The following RBM19 variants were observed in gnomAD, a reference collection of about 807,000 sequenced individuals.
RBM19 encodes the protein RNA binding motif protein 19.
Under a neutral mutation model 116.8 loss-of-function variants are expected in RBM19, and 94 were observed. The observed-to-expected ratio is 0.80, with a 90% CI of 0.68 to 0.95. The LOEUF (loss-of-function observed/expected upper bound fraction) is 0.95. Ranked by LOEUF, RBM19 falls within the 40% of genes least tolerant of loss-of-function variation. The pLI, the probability that RBM19 is intolerant of heterozygous loss-of-function variation, is 0.00. For synonymous variants in RBM19, 475 were observed against 494.1 expected, an observed-to-expected ratio of 0.96 and a Z score of 0.51; for missense variants, 1,161 against 1,220.7, an observed-to-expected ratio of 0.95 and a Z score of 0.73.
chr12:113,940,222 C>T, intron 14 of RBM19, 62 bp from the exon 15 acceptor site: 1 of 1,523,036 alleles, frequency 6.6e-7, no homozygotes, highest in Non-Finnish European at 9.0e-7. Context: ...CAGCTGACAC[C>T]AGCAGGGATC....
chr12:113,934,541 C>T (rs1434573766), intron 16 of RBM19, among the ~76,000 whole-genome samples: 6 of 152,256 alleles, frequency 3.9e-5, no homozygotes, highest in South Asian at 2.1e-4. Flanking sequence ...CACTGGGGCA[C>T]GTTCATGGGT....
At chr12:113,955,681 C>T (rs925736462) in intron 6 of RBM19, among the ~76,000 whole-genome samples, 3 of 152,188 alleles carry the variant, frequency 2.0e-5, no homozygotes, top group African/African-American at 7.2e-5. Context: ...CTGAAAAAAC[C>T]TAAGTTTCTG....
intron 10 of RBM19, among the ~76,000 whole-genome samples, chr12:113,947,698 T>A (rs932272032): frequency 1.3e-5 from 2 of 152,206 alleles, no homozygotes; most frequent in African/African-American, 4.8e-5. Context: ...CCTCAGTCTT[T>A]TCATCTGTAA....
chr12:113,891,993 C>T (rs1880994221), intron 21 of RBM19, among the ~76,000 whole-genome samples: 1 of 152,200 alleles, frequency 6.6e-6, no homozygotes, highest in Admixed American at 6.5e-5. Context: ...TCCTGAATAA[C>T]CCTGTCTGTG....
intron 22 of RBM19, among the ~76,000 whole-genome samples, chr12:113,847,716 C>T (rs778123946): frequency 3.3e-5 from 5 of 152,098 alleles, no homozygotes; most frequent in Non-Finnish European, 7.4e-5. Flanking sequence ...GGGTGAGAGG[C>T]CCCAACCCCA....
At chr12:113,959,962 A>C in intron 3 of RBM19, 59 bp from the exon 4 acceptor site, 1 of 1,613,668 alleles carries the variant, frequency 6.2e-7, no homozygotes, top group South Asian at 1.1e-5. Flanking sequence ...TGGGAAACAG[A>C]ACTGCACTGA....
intron 21 of RBM19, among the ~76,000 whole-genome samples, chr12:113,864,878 T>G (rs575990644): frequency 6.6e-6 from 1 of 152,310 alleles, no homozygotes; most frequent in South Asian, 2.1e-4. Flanking sequence ...CACAAATATG[T>G]GCTAGTCATC....
At chr12:113,887,645 A>AAAAAAAAAG (rs1880630346) in intron 21 of RBM19, among the ~76,000 whole-genome samples, 1 of 149,858 alleles carries the variant, frequency 6.7e-6, no homozygotes, top group African/African-American at 2.5e-5. Flanking sequence ...AAAAAAAAAA[A>AAAAAAAAAG]AAAAAAGAAA....
rs1415012860 is a variant in RBM19 at position 113,920,646 on chromosome 12, G to A, written c.2350C>T (p.Pro784Ser). 2 of 1,614,084 alleles carry A rather than the reference G, an allele frequency of 1.2e-6. No homozygotes were observed. The highest frequency in any genetic ancestry group is 1.7e-6 in the Non-Finnish European group (2 of 1,180,006). ...TTGAGAGCTTTCTGGGCTTGCTCCG[G>A]CTTCCTGTATTCCACAAATCCAAAC... ...MGFGFVEYRKPEQAQKALKQL... is the reference protein window; with the variant it reads ...MGFGFVEYRKSEQAQKALKQL... The change falls in exon 19 of 24, where the codon CCG becomes TCG. Residue 784 changes from proline (P) to serine (S), a missense_variant. Coordinates refer to ENST00000261741, the MANE Select transcript of RBM19 (RefSeq NM_016196.4).
At chr12:113,827,604 C>T (rs1874989609) in intron 23 of RBM19, among the ~76,000 whole-genome samples, 4 of 151,984 alleles carry the variant, frequency 2.6e-5, no homozygotes, top group East Asian at 1.9e-4. Context: ...AAAGGCAAGC[C>T]GGGGGAGAAG....
intron 21 of RBM19, among the ~76,000 whole-genome samples, chr12:113,905,494 C>T (rs1881981179): frequency 6.6e-6 from 1 of 152,092 alleles, no homozygotes; most frequent in Non-Finnish European, 1.5e-5. Context: ...CAAAGAGAAG[C>T]CTTTCCTTTT....
intron 7 of RBM19, among the ~76,000 whole-genome samples, chr12:113,954,581 TAA>T (rs1391528409): frequency 6.6e-6 from 1 of 152,226 alleles, no homozygotes. Context: ...AGGCAATTTT[TAA>T]ATATTTTTTA....
At chr12:113,947,592 GTCTA>G in intron 10 of RBM19, 128 bp from the exon 11 acceptor site, 1 of 998,516 alleles carries the variant, frequency 1.0e-6, no homozygotes, top group Non-Finnish European at 1.4e-6. Flanking sequence ...CCCTACGTGT[GTCTA>G]TCCTAACAGC....
chr12:113,852,888 C>T (rs1368593893), intron 22 of RBM19, among the ~76,000 whole-genome samples: 7 of 152,232 alleles, frequency 4.6e-5, no homozygotes, highest in South Asian at 4.1e-4. Context: ...ACGTGTTGAA[C>T]GCACGCCACT....
intron 17 of RBM19, among the ~76,000 whole-genome samples, chr12:113,926,687 A>T (rs1348134561): frequency 1.3e-5 from 2 of 152,218 alleles, no homozygotes; most frequent in African/African-American, 2.4e-5. Context: ...TCACTCACTG[A>T]TGTGGCTTCT....
At chr12:113,887,536 C>T (rs1880612179) in intron 21 of RBM19, among the ~76,000 whole-genome samples, 1 of 90,198 alleles carries the variant, frequency 1.1e-5, no homozygotes, top group Non-Finnish European at 2.1e-5. Flanking sequence ...ACTCGGGAGG[C>T]TGAGGCAGGA....
chr12:113,928,174 T>G (rs1322607379), intron 16 of RBM19, among the ~76,000 whole-genome samples: 2 of 151,958 alleles, frequency 1.3e-5, no homozygotes, highest in African/African-American at 4.8e-5. Flanking sequence ...TTGTCTCCAC[T>G]AAAAACACAA....
chr12:113,870,129 C>A (rs1469338030), intron 21 of RBM19, among the ~76,000 whole-genome samples: 1 of 152,204 alleles, frequency 6.6e-6, no homozygotes, highest in Non-Finnish European at 1.5e-5. Flanking sequence ...GGGGTGAGCT[C>A]TCTTGTAAAA....
At chr12:113,912,497 A>G (rs1882495472) in intron 21 of RBM19, among the ~76,000 whole-genome samples, 1 of 152,238 alleles carries the variant, frequency 6.6e-6, no homozygotes, top group South Asian at 2.1e-4. Flanking sequence ...AGGCTGACTT[A>G]GATCCAAATC....
Sources: allele counts gnomAD v4.1 joint callset (sites outside exome capture counted in the v4.1 genomes callset), GRCh38; gene constraint gnomAD v4.1.1; transcripts MANE v1.5; gene names NCBI Gene and HGNC (gene_info 2026-07-23, HGNC 2026-07-21).